The following MAD1L1 variants were observed in gnomAD, a reference collection of about 807,000 sequenced individuals.
MAD1L1 encodes the protein mitotic spindle assembly checkpoint protein MAD1.
In MAD1L1, 95 loss-of-function variants were observed where a neutral mutation model predicts 96.9. The ratio of observed to expected loss-of-function variants is 0.98; its 90% CI spans 0.83 to 1.16. The LOEUF (loss-of-function observed/expected upper bound fraction) is 1.16. Among genes scored for constraint, MAD1L1 ranks in the 50% most tolerant of loss-of-function variants. MAD1L1 has a pLI of 0.00. For missense variants in MAD1L1, 1,007 were observed against 954.4 expected, an observed-to-expected ratio of 1.06 and a Z score of -0.73; for synonymous variants, 473 against 396.6, an observed-to-expected ratio of 1.19 and a Z score of -2.29.
intron 16 of MAD1L1, among the ~76,000 whole-genome samples, chr7:1,950,121 C>T (rs1044983620): frequency 1.3e-5 from 2 of 152,218 alleles, no homozygotes; most frequent in South Asian, 2.1e-4. Context: ...GCCAGGCGTG[C>T]ATGCCCATGC....
chr7:2,003,405 G>C (rs369097929), intron 13 of MAD1L1, among the ~76,000 whole-genome samples: 1 of 152,124 alleles, frequency 6.6e-6, no homozygotes, highest in Admixed American at 6.5e-5. Flanking sequence ...GAAAGTGGCT[G>C]AGGCAACAGC....
intron 18 of MAD1L1, among the ~76,000 whole-genome samples, chr7:1,896,251 G>A (rs557826796): frequency 6.6e-5 from 10 of 152,354 alleles, no homozygotes; most frequent in Admixed American, 1.3e-4. Flanking sequence ...CTGAAAGTCC[G>A]GCCACTGGCA....
intron 5 of MAD1L1, among the ~76,000 whole-genome samples, chr7:2,222,075 C>A (rs890774303): frequency 3.5e-5 from 5 of 141,736 alleles, no homozygotes; most frequent in Admixed American, 1.4e-4. Flanking sequence ...AAGTGCTTAA[C>A]TTTTTTTTTT....
At chr7:1,874,778 G>A (rs1444694555) in intron 18 of MAD1L1, among the ~76,000 whole-genome samples, 1 of 152,076 alleles carries the variant, frequency 6.6e-6, no homozygotes, top group Admixed American at 6.5e-5. Flanking sequence ...GGGCTGGAGG[G>A]CTCCAGGAGA....
intron 16 of MAD1L1, among the ~76,000 whole-genome samples, chr7:1,944,657 C>G (rs745763027): frequency 4.6e-5 from 7 of 152,300 alleles, no homozygotes; most frequent in Middle Eastern, 3.4e-3. Context: ...ATCCCTGCCC[C>G]CAAGACCCTC....
intron 18 of MAD1L1, among the ~76,000 whole-genome samples, chr7:1,870,383 C>G (rs1214914698): frequency 2.1e-5 from 3 of 143,124 alleles, no homozygotes; most frequent in African/African-American, 7.6e-5. Context: ...GCTTGCCATG[C>G]TGAACCCACC....
At chr7:1,863,388 A>T (rs1466202075) in intron 18 of MAD1L1, among the ~76,000 whole-genome samples, 3 of 152,196 alleles carry the variant, frequency 2.0e-5, no homozygotes, top group African/African-American at 7.2e-5. Context: ...GGCCAGCGGC[A>T]CGGCCGTCAC....
At chr7:1,928,372 C>T (rs1468452504) in intron 17 of MAD1L1, among the ~76,000 whole-genome samples, 1 of 151,830 alleles carries the variant, frequency 6.6e-6, no homozygotes, top group Admixed American at 6.6e-5. Flanking sequence ...GACACTGCTC[C>T]CCACCACCCA....
intron 16 of MAD1L1, among the ~76,000 whole-genome samples, chr7:1,953,177 G>A (rs1779577674): frequency 6.6e-6 from 1 of 152,214 alleles, no homozygotes; most frequent in Admixed American, 6.5e-5. Flanking sequence ...GACCAGGGAT[G>A]TGAGGTACCG....
intron 10 of MAD1L1, among the ~76,000 whole-genome samples, chr7:2,155,479 C>T (rs1005825795): frequency 6.6e-6 from 1 of 152,206 alleles, no homozygotes; most frequent in Non-Finnish European, 1.5e-5. Context: ...CACAGCCCCT[C>T]TGCTCCCAGC....
At chr7:2,037,165 G>A (rs1361403116) in intron 12 of MAD1L1, among the ~76,000 whole-genome samples, 4 of 151,700 alleles carry the variant, frequency 2.6e-5, no homozygotes, top group African/African-American at 7.3e-5. Flanking sequence ...CTTCTGCCAC[G>A]TGGAAATTTC....
intron 10 of MAD1L1, among the ~76,000 whole-genome samples, chr7:2,211,314 G>A (rs575865037): frequency 8.5e-5 from 13 of 152,254 alleles, no homozygotes; most frequent in Admixed American, 1.3e-4. Flanking sequence ...GCACCCCCAG[G>A]CCAGCTCGCC....
intron 18 of MAD1L1, among the ~76,000 whole-genome samples, chr7:1,841,533 C>T (rs1312957648): frequency 6.6e-6 from 1 of 152,212 alleles, no homozygotes; most frequent in African/African-American, 2.4e-5. Flanking sequence ...AGCTGTGGGC[C>T]CCAGGATGAA....
intron 15 of MAD1L1, among the ~76,000 whole-genome samples, chr7:1,975,361 T>G (rs369636920): frequency 2.3e-4 from 35 of 152,206 alleles, no homozygotes; most frequent in African/African-American, 8.2e-4. Flanking sequence ...TCACTTGTAC[T>G]CCAGACCCGG....
chr7:2,010,295 C>T (rs988500567), intron 13 of MAD1L1, among the ~76,000 whole-genome samples: 2 of 151,944 alleles, frequency 1.3e-5, no homozygotes, highest in Non-Finnish European at 2.9e-5. Flanking sequence ...TGGGAGGTCA[C>T]GGGGAGGAAG....
At chr7:2,024,356 C>G (rs1450983073) in intron 12 of MAD1L1, among the ~76,000 whole-genome samples, 3 of 152,236 alleles carry the variant, frequency 2.0e-5, no homozygotes, top group African/African-American at 2.4e-5. Context: ...ACCCCCAGCT[C>G]CCTTTCTCTT....
intron 11 of MAD1L1, among the ~76,000 whole-genome samples, chr7:2,098,061 C>T (rs1349079004): frequency 2.0e-5 from 3 of 152,202 alleles, no homozygotes; most frequent in Non-Finnish European, 4.4e-5. Context: ...ACTCATGCGG[C>T]GGCTCCATGC....
intron 11 of MAD1L1, among the ~76,000 whole-genome samples, chr7:2,108,314 TTTTGG>T (rs940055031): frequency 6.6e-6 from 1 of 152,186 alleles, no homozygotes; most frequent in African/African-American, 2.4e-5. Context: ...GCTCCGACGG[TTTTGG>T]TTTAATTCAT....
chr7:2,094,595 C>T (rs921729778), intron 11 of MAD1L1, among the ~76,000 whole-genome samples: 2 of 152,158 alleles, frequency 1.3e-5, no homozygotes, highest in Admixed American at 6.5e-5. Context: ...AAGGCTGCTG[C>T]TATCCAGACA....
Sources: gnomAD v4.1 joint callset for allele counts (sites outside exome capture counted in the v4.1 genomes callset) on GRCh38, gnomAD v4.1.1 for gene constraint, MANE v1.5 for transcripts, NCBI Gene and HGNC (gene_info 2026-07-23, HGNC 2026-07-21) for gene names.